Variants in KANSL1L observed in about 807,000 individuals in gnomAD.
KANSL1L encodes KAT8 regulatory NSL complex subunit 1 like.
Under a neutral mutation model 108.6 loss-of-function variants are expected in KANSL1L, and 25 were observed. The ratio of observed to expected loss-of-function variants is 0.23; its 90% confidence interval spans 0.17 to 0.32. The LOEUF (loss-of-function observed/expected upper bound fraction) is 0.32, where lower values mean the gene tolerates loss of function less well. KANSL1L is among the 10% of genes least tolerant of loss of function. The pLI is 1.00. For synonymous variants in KANSL1L, 405 were observed against 395.1 expected (o/e 1.03, Z -0.30); for missense variants, 1,137 against 1,125.7 (o/e 1.01, Z -0.14).
chr2:210,130,023 T>C (rs1327905777), intron 2 of KANSL1L, among the ~76,000 whole-genome samples: 2 of 147,692 alleles, frequency 1.4e-5, no homozygotes, highest in Non-Finnish European at 3.0e-5. Context: ...AAACTGAAGA[T>C]ATAACTGTAG....
chr2:210,040,608 C>T (rs934369074), intron 7 of KANSL1L, 81 bp from the exon 8 acceptor site: 1 of 608,860 alleles, frequency 1.6e-6, no homozygotes, highest in African/African-American at 1.9e-5. Context: ...ATTAAAATTG[C>T]TTTCTTTCTA....
chr2:210,044,046 G>A lies in KANSL1L; in HGVS notation c.1814C>T (p.Ser605Leu). The A allele has an allele frequency of 6.2e-7, 1 of 1,609,476 alleles. No individual in the cohort carries two copies. The highest frequency in any genetic ancestry group is 8.5e-7 in the Non-Finnish European group (1 of 1,177,772). ...LNTTQMPCLQ[S>L]ASTWSSYEHN... ...TTCATAGCTACTCCAAGTTGAAGCT[G>A]ATTGCAGGCAAGGCATTTGTGTAGT... The change falls in exon 7 of 15, where the codon TCA (serine) becomes TTA (leucine). Residue 605 changes from serine to leucine, a missense_variant. Transcript: ENST00000281772. The surrounding 1 kb of genome is among the most constrained non-coding windows in gnomAD (Gnocchi z 4.2).
intron 5 of KANSL1L, among the ~76,000 whole-genome samples, chr2:210,078,609 TAATG>T (rs1270542789): frequency 1.3e-5 from 2 of 152,222 alleles, no homozygotes; most frequent in Non-Finnish European, 2.9e-5. Context: ...TTTCCATAAA[TAATG>T]GATGAAGGTT....
At chr2:210,114,558 A>C (rs914211056) in intron 3 of KANSL1L, among the ~76,000 whole-genome samples, 1 of 152,288 alleles carries the variant, frequency 6.6e-6, no homozygotes, top group South Asian at 2.1e-4. Context: ...ATGCATAATT[A>C]TAACAGCTAG....
At chr2:210,126,316 G>T (rs2095065249) in intron 3 of KANSL1L, among the ~76,000 whole-genome samples, 1 of 152,044 alleles carries the variant, frequency 6.6e-6, no homozygotes, top group African/African-American at 2.4e-5. Flanking sequence ...AATTAAAGAA[G>T]ATATAAATAA....
chr2:210,157,373 A>C (rs899219662), intron 1 of KANSL1L, among the ~76,000 whole-genome samples: 5 of 152,200 alleles, frequency 3.3e-5, no homozygotes, highest in Non-Finnish European at 5.9e-5. Flanking sequence ...TAGTCTCTGG[A>C]TAAAGATACG....
At chr2:210,116,472 G>A (rs955574615) in intron 3 of KANSL1L, among the ~76,000 whole-genome samples, 7 of 152,094 alleles carry the variant, frequency 4.6e-5, no homozygotes, top group Non-Finnish European at 7.4e-5. Flanking sequence ...TGCTGTCTTC[G>A]GATCTGACCC....
rs374974118 is a variant in KANSL1L at position 210,128,122 on chromosome 2, C to T, written c.1230+909G>A. ...AAAATAAACAGAAAATAAATGTTAG[C>T]GAGAATCTGGAGAAATCTGAACCTT... On this transcript the variant is annotated intron_variant, in intron 3 of 14. Transcript: ENST00000281772. Among the ~76,000 whole-genome samples, 21 of 152,084 alleles carry T rather than the reference C, an allele frequency of 1.4e-4. No homozygotes were observed. In the East Asian group the frequency reaches 3.5e-3, roughly 25 times the overall value.
chr2:210,111,669 A>G (rs1366866508), intron 3 of KANSL1L, among the ~76,000 whole-genome samples: 1 of 152,206 alleles, frequency 6.6e-6, no homozygotes, highest in East Asian at 1.9e-4. Context: ...ACCTGTTAGT[A>G]AGAATGCAGA....
intron 3 of KANSL1L, among the ~76,000 whole-genome samples, chr2:210,112,662 G>T (rs1186593413): frequency 2.0e-5 from 3 of 151,858 alleles, no homozygotes; most frequent in Non-Finnish European, 4.4e-5. Context: ...ATATATTTAT[G>T]GTATATATAA....
chr2:210,094,050 G>C (rs958442610), intron 5 of KANSL1L, among the ~76,000 whole-genome samples: 8 of 152,154 alleles, frequency 5.3e-5, no homozygotes, highest in African/African-American at 1.9e-4. Flanking sequence ...GCCAGGAGCT[G>C]AAAGCAAGGA....
intron 2 of KANSL1L, among the ~76,000 whole-genome samples, chr2:210,131,152 A>G (rs1049596343): frequency 1.3e-5 from 2 of 152,176 alleles, no homozygotes; most frequent in African/African-American, 4.8e-5. Flanking sequence ...GAGGAGGAGA[A>G]TAGCCCAGAT....
At chr2:210,040,390 T>C in intron 8 of KANSL1L, 30 bp downstream of exon 8, 1 of 988,146 alleles carries the variant, frequency 1.0e-6, no homozygotes, top group Non-Finnish European at 1.6e-6. Context: ...AAAAGGCATA[T>C]AGAGTACAAG....
At chr2:210,172,006 A>AC (rs1028129067), upstream of KANSL1L, among the ~76,000 whole-genome samples, 2 of 150,738 alleles carry the variant, frequency 1.3e-5, no homozygotes, top group South Asian at 2.1e-4. Context: ...AAAAAAAAAA[A>AC]AACAGACAAA....
intron 10 of KANSL1L, 78 bp from the exon 11 acceptor site, chr2:210,029,047 A>G (rs750454164): frequency 2.4e-4 from 293 of 1,214,174 alleles, no homozygotes; most frequent in Non-Finnish European, 3.4e-4. Context: ...CAGTTATGTA[A>G]ATATGGCAGT....
intron 6 of KANSL1L, among the ~76,000 whole-genome samples, chr2:210,054,664 C>T (rs907919967): frequency 9.9e-5 from 15 of 151,846 alleles, no homozygotes; most frequent in African/African-American, 2.9e-4. Flanking sequence ...AGACTAAAAG[C>T]TCTCCAAGAT....
intron 1 of KANSL1L, among the ~76,000 whole-genome samples, chr2:210,155,521 C>T (rs1167388620): frequency 1.3e-5 from 2 of 152,170 alleles, no homozygotes; most frequent in African/African-American, 2.4e-5. Flanking sequence ...CTCCTCTAAA[C>T]GTATCTGCAA....
chr2:210,097,333 AT>A (rs34151652), intron 5 of KANSL1L: 1 of 759,456 alleles, frequency 1.3e-6, no homozygotes, highest in African/African-American at 1.9e-5. Flanking sequence ...AAATTATATA[AT>A]TTTTAACACA....
intron 3 of KANSL1L, among the ~76,000 whole-genome samples, chr2:210,116,895 T>C (rs1032577659): frequency 5.3e-5 from 8 of 152,130 alleles, no homozygotes; most frequent in Non-Finnish European, 2.9e-5. Context: ...ATGGACTAAA[T>C]AGGGCACCAA....
Sources: gnomAD v4.1 joint callset for allele counts (sites outside exome capture counted in the v4.1 genomes callset) on GRCh38, gnomAD v4.1.1 for gene constraint, Gnocchi (gnomAD v3.1) non-coding constraint, MANE v1.5 for transcripts, NCBI Gene and HGNC (gene_info 2026-07-23, HGNC 2026-07-21) for gene names.